The following MX2 variants were observed in gnomAD, a reference collection of about 807,000 sequenced individuals.
MX2 encodes MX dynamin like GTPase 2.
A neutral mutation model predicts 74.0 loss-of-function variants in MX2; 51 were observed. The observed-to-expected ratio is 0.69, with a 90% CI of 0.55 to 0.87. The LOEUF (loss-of-function observed/expected upper bound fraction) is 0.87, where lower values mean the gene tolerates loss of function less well. Ranked by LOEUF, MX2 falls within the 40% of genes least tolerant of loss-of-function variation. The pLI is 0.00. For synonymous variants in MX2, 369 were observed against 339.3 expected (o/e 1.09, Z -0.96); for missense variants, 832 against 908.7 (o/e 0.92, Z 1.09).
At chr21:41,392,463 C>T (rs1483402473) in intron 6 of MX2, among the ~76,000 whole-genome samples, 1 of 152,104 alleles carries the variant, frequency 6.6e-6, no homozygotes, top group Non-Finnish European at 1.5e-5. Context: ...CTAGGGTAGT[C>T]GGACTCATAC....
chr21:41,362,340 G>A (rs988861848), intron 1 of MX2, among the ~76,000 whole-genome samples: 3 of 152,076 alleles, frequency 2.0e-5, no homozygotes, highest in Non-Finnish European at 2.9e-5. Context: ...TCGGGTGGAC[G>A]CAAAGGGGTG....
intron 5 of MX2, among the ~76,000 whole-genome samples, chr21:41,386,356 G>GA (rs375046062): frequency 6.6e-6 from 1 of 151,376 alleles, no homozygotes; most frequent in East Asian, 2.0e-4. Context: ...CTTCAAGAGA[G>GA]AAAAAAATTT....
At position 41,399,340 on chromosome 21, in the gene MX2, A is replaced by T; in HGVS notation, c.1414+3A>T. ...ACTTGCAACTAATACCCAAAAAGGT[A>T]AGTTCTGGGCAGGGCTCCCTGCAAA... On this transcript the variant is annotated splice_donor_region_variant and intron_variant, in intron 10 of 13. Coordinates refer to ENST00000330714, the MANE Select transcript of MX2 (RefSeq NM_002463.2). 1.2e-6 allele frequency: 2 copies of T among 1,613,516 alleles called. No homozygotes were observed. Among genetic ancestry groups the T allele is most frequent in the Non-Finnish European group, 1.7e-6 (2 of 1,179,870 alleles).
rs1264445487 is a variant in MX2, at chr21:41,395,709, G to A, written c.994G>A (p.Glu332Lys). 6.2e-7 allele frequency: 1 copy of A among 1,614,072 alleles called. No individual in the cohort carries two copies. The highest frequency in any genetic ancestry group is 8.5e-7 in the Non-Finnish European group (1 of 1,180,052). The change falls in exon 7 of 14, where the codon GAG becomes AAG. Residue 332 changes from glutamate (E) to lysine (K), a missense_variant. Coordinates refer to ENST00000330714, the MANE Select transcript of MX2 (RefSeq NM_002463.2). ...GATTGTGAAGTGCCGGGGCCAGCAG[G>A]AGATCACAAACAGGCTGAGCTTGGC... ...YMIVKCRGQQ[E>K]ITNRLSLAEA...
chr21:41,399,341 A>C lies in MX2; in HGVS notation c.1414+4A>C, dbSNP rs1385554515. 1.9e-6 allele frequency: 3 copies of C among 1,613,090 alleles called. No homozygotes were observed. Among genetic ancestry groups the C allele is most frequent in the African/African-American group, 2.7e-5 (2 of 74,846 alleles). On this transcript the variant is annotated splice_donor_region_variant and intron_variant, in intron 10 of 13. Transcript: ENST00000330714. ...CTTGCAACTAATACCCAAAAAGGTA[A>C]GTTCTGGGCAGGGCTCCCTGCAAAA...
intron 10 of MX2, chr21:41,401,743 T>G (rs895208486): frequency 2.2e-6 from 1 of 459,762 alleles, no homozygotes; most frequent in Non-Finnish European, 3.8e-6. Flanking sequence ...GTGATGACTT[T>G]CAATTGAAAC....
In MX2 at chr21:41,394,873, G is replaced by A. The variant is rs574879481; in HGVS notation, c.872-714G>A. Among the ~76,000 whole-genome samples, 502 of 151,818 alleles carry A rather than the reference G, an allele frequency of 3.3e-3. 5 individuals carry two copies. Among genetic ancestry groups the A allele is most frequent in the African/African-American group, 0.011 (460 of 41,374 alleles). ...GGAGAATCGCTTGAACCGGGGAGGC[G>A]GAGGTTGAAGTGAGCCACTGCACTC... On this transcript the variant is annotated intron_variant, in intron 6 of 13. Coordinates refer to ENST00000330714, the MANE Select transcript of MX2 (RefSeq NM_002463.2).
chr21:41,379,883 A>T, intron 3 of MX2, 134 bp from the exon 4 acceptor site: 2 of 1,131,354 alleles, frequency 1.8e-6, no homozygotes, highest in Non-Finnish European at 1.3e-6. Context: ...CCCCTCACCT[A>T]CTACCAGGCC....
chr21:41,368,813 G>A lies in MX2; in HGVS notation c.-72+6758G>A, dbSNP rs1457995750. Among the ~76,000 whole-genome samples the A allele has an allele frequency of 6.6e-6, 1 of 152,188 alleles. No homozygotes were observed. The highest frequency in any genetic ancestry group is 1.5e-5 in the Non-Finnish European group (1 of 68,034). The stretch of plus-strand genomic sequence containing the variant: ...CCATCAGCACTCGGTTTTGTTCCTG[G>A]ACCCCTGACTTCGTCACCAAGGGCA... On this transcript the variant is annotated intron_variant, in intron 1 of 13. Coordinates refer to ENST00000330714, the MANE Select transcript of MX2 (RefSeq NM_002463.2). This position sits in a 1 kb window ranked among gnomAD's most constrained non-coding sequence, Gnocchi z 4.6.
chr21:41,378,011 A>G (rs372766937), intron 3 of MX2, 30 bp downstream of exon 3: 28 of 1,600,236 alleles, frequency 1.7e-5, no homozygotes, highest in South Asian at 2.2e-5. Context: ...TTCCCTCCGC[A>G]GCAAGCAGCG....
chr21:41,403,030 T>G (rs1156452296), intron 11 of MX2: 1 of 482,368 alleles, frequency 2.1e-6, no homozygotes, highest in Non-Finnish European at 3.8e-6. Flanking sequence ...GAGGCTAACA[T>G]GCACACAGGC....
chr21:41,385,393 A>C (rs574973846), intron 5 of MX2, among the ~76,000 whole-genome samples: 19 of 152,350 alleles, frequency 1.2e-4, no homozygotes, highest in African/African-American at 4.6e-4. Flanking sequence ...TCATGTGGGC[A>C]GGTCTTTCCC....
chr21:41,405,021 A>C (rs2089867207), intron 12 of MX2: 1 of 152,142 alleles, frequency 6.6e-6, no homozygotes, highest in Non-Finnish European at 1.5e-5. Flanking sequence ...GAAGCTCAAA[A>C]GCCTAGGCCA....
chr21:41,385,503 G>A (rs1370929011), intron 5 of MX2, among the ~76,000 whole-genome samples: 3 of 152,334 alleles, frequency 2.0e-5, no homozygotes, highest in East Asian at 3.9e-4. Context: ...TATGTAAGAT[G>A]TGCCTTTGCT....
At chr21:41,387,573 G>C (rs11910411) in intron 5 of MX2, among the ~76,000 whole-genome samples, 46,467 of 152,044 alleles carry the variant, frequency 0.31, 12,239 homozygotes, top group African/African-American at 0.71. Flanking sequence ...TAAGTGAATT[G>C]TTCCTCACTT....
chr21:41,381,763 C>T (rs901588459), intron 4 of MX2, among the ~76,000 whole-genome samples: 5 of 152,040 alleles, frequency 3.3e-5, no homozygotes, highest in Non-Finnish European at 4.4e-5. Flanking sequence ...ATCTTGGAAC[C>T]CCCTCCACTG....
chr21:41,377,174 C>G lies in MX2; in HGVS notation c.249+19C>G, dbSNP rs55725011. 6.2e-7 allele frequency: 1 copy of G among 1,612,530 alleles called. No individual in the cohort carries two copies. The highest frequency in any genetic ancestry group is 8.5e-7 in the Non-Finnish European group (1 of 1,179,028). On this transcript the variant is annotated intron_variant, in intron 2 of 13. Transcript: ENST00000330714. ...GGCAATGGTAAGCCCGGTGGAGGGACGTTCAGAAAGGGTGCATTCTGGCTG... is the reference window on the plus strand; with the variant it reads ...GGCAATGGTAAGCCCGGTGGAGGGAGGTTCAGAAAGGGTGCATTCTGGCTG...
rs1030515092 is a variant in MX2 at position 41,388,400 on chromosome 21, G to A, written c.733-2165G>A. On this transcript the variant is annotated intron_variant, in intron 5 of 13. Coordinates refer to ENST00000330714, the MANE Select transcript of MX2 (RefSeq NM_002463.2). This position sits in a 1 kb window ranked among gnomAD's most constrained non-coding sequence, Gnocchi z 4.0. ...TGTGCATGCACGCTTCCCACTGCCCGGTGCTCTGCCCGCATGGCTCTCCGC... is the reference window on the plus strand; with the variant it reads ...TGTGCATGCACGCTTCCCACTGCCCAGTGCTCTGCCCGCATGGCTCTCCGC... Among the ~76,000 whole-genome samples, 8 of 152,146 alleles carry A rather than the reference G, an allele frequency of 5.3e-5. No individual in the cohort carries two copies. The highest frequency in any genetic ancestry group is 2.1e-4 in the South Asian group (1 of 4,826).
At chr21:41,407,960 T>C in intron 13 of MX2, 31 bp from the exon 14 acceptor site, 1 of 1,612,950 alleles carries the variant, frequency 6.2e-7, no homozygotes, top group Non-Finnish European at 8.5e-7. Flanking sequence ...CTGAGACCAC[T>C]CCAGCAAACC....
Sources: gnomAD v4.1 joint callset for allele counts (sites outside exome capture counted in the v4.1 genomes callset) on GRCh38, gnomAD v4.1.1 for gene constraint, Gnocchi (gnomAD v3.1) non-coding constraint, MANE v1.5 for transcripts, NCBI Gene and HGNC (gene_info 2026-07-23, HGNC 2026-07-21) for gene names.